NLRP2: variants seen among roughly 807,000 people sequenced by gnomAD.
NLRP2 encodes NACHT, LRR and PYD domains-containing protein 2.
Under a neutral mutation model 97.2 loss-of-function variants are expected in NLRP2, and 107 were observed. That is an observed-to-expected ratio of 1.10 (90% confidence interval 0.94 to 1.29). The LOEUF (loss-of-function observed/expected upper bound fraction) is 1.29, where lower values mean the gene tolerates loss of function less well. Ranked by LOEUF, NLRP2 falls within the 50% of genes most tolerant of loss-of-function variation. The pLI is 0.00. For synonymous variants in NLRP2, 663 were observed against 551.5 expected, an observed-to-expected ratio of 1.20 and a Z score of -2.83; for missense variants, 1,495 against 1,330.3, an observed-to-expected ratio of 1.12 and a Z score of -1.93.
chr19:54,980,647 A>C (rs1160058302), intron 4 of NLRP2, among the ~76,000 whole-genome samples: 1 of 152,194 alleles, frequency 6.6e-6, no homozygotes, highest in Non-Finnish European at 1.5e-5. Flanking sequence ...ATTTTATAGA[A>C]TAGGGCTTGG....
At chr19:54,997,706 C>T (rs1225925069) in intron 12 of NLRP2, among the ~76,000 whole-genome samples, 2 of 151,740 alleles carry the variant, frequency 1.3e-5, no homozygotes, top group East Asian at 1.9e-4. Flanking sequence ...CCGCCCGCCT[C>T]GGCCTCCCAA....
chr19:54,976,739 C>A (rs981381188), intron 3 of NLRP2: 2 of 423,810 alleles, frequency 4.7e-6, no homozygotes, highest in South Asian at 1.7e-5. Flanking sequence ...TTCAGGAGTT[C>A]CATGGACTCA....
chr19:54,981,513 CCCCT>C, intron 4 of NLRP2, 100 bp from the exon 5 acceptor site: 1 of 268,624 alleles, frequency 3.7e-6, no homozygotes, highest in Non-Finnish European at 8.2e-6. Context: ...TCCCGTGCCC[CCCCT>C]CCCCCCCGCC....
intron 1 of NLRP2, 136 bp from the exon 2 acceptor site, chr19:54,969,863 C>T: frequency 2.4e-6 from 2 of 846,638 alleles, no homozygotes; most frequent in Non-Finnish European, 3.9e-6. Context: ...CACTATGTTG[C>T]CCAGGCTGGG....
intron 11 of NLRP2, among the ~76,000 whole-genome samples, chr19:54,995,782 C>G (rs2072776598): frequency 6.6e-6 from 1 of 151,914 alleles, no homozygotes; most frequent in Non-Finnish European, 1.5e-5. Flanking sequence ...TGGCTCATGC[C>G]TGTAATCCTG....
intron 10 of NLRP2, among the ~76,000 whole-genome samples, chr19:54,992,848 C>CACGCCCAGCCTACAAAATATTCTCAG (rs1568530909): frequency 2.0e-5 from 3 of 151,930 alleles, no homozygotes; most frequent in African/African-American, 7.3e-5. Context: ...TGTGAGCCAC[C>CACGCCCAGCCTACAAAATATTCTCAG]GTGCCGGCCC....
In NLRP2 at chr19:54,997,757, C is replaced by CT. The variant is rs755734084; in HGVS notation, c.3050+284dup. Reference sequence around the variant, plus strand: ...GGCGTGAGCAACCGCACCCGGCCACCTTTTTTTTTTTTTTCCTTTGAGGCA... The same window carrying CT: ...GGCGTGAGCAACCGCACCCGGCCACCTTTTTTTTTTTTTTTCCTTTGAGGCA... On this transcript the variant is annotated intron_variant, in intron 12 of 12. Transcript: ENST00000448584. 3.8e-3 allele frequency among the ~76,000 whole-genome samples: 541 copies of CT among 143,506 alleles called. 1 individual carries two copies. Among genetic ancestry groups the CT allele is most frequent in the African/African-American group, 8.4e-3 (328 of 39,216 alleles). 94.1% of individuals were successfully genotyped at this position (143,506 alleles called of 152,430 possible). A position where few individuals can be genotyped will look rare whatever the true frequency, so the allele number is the denominator to read the frequency against.
intron 8 of NLRP2, among the ~76,000 whole-genome samples, chr19:54,987,492 TCA>T (rs2146481611): frequency 6.6e-6 from 1 of 152,182 alleles, no homozygotes; most frequent in South Asian, 2.1e-4. Context: ...GCGCAGTGGC[TCA>T]CGCCTGGGAG....
chr19:54,965,835 GA>G (rs1289601042), upstream of NLRP2, among the ~76,000 whole-genome samples: 1 of 87,878 alleles, frequency 1.1e-5, no homozygotes, highest in African/African-American at 4.5e-5. Flanking sequence ...GGAATCACTT[GA>G]AGCCGGCAGG....
At chr19:54,972,124 G>A (rs1218904242) in intron 2 of NLRP2, among the ~76,000 whole-genome samples, 1 of 150,894 alleles carries the variant, frequency 6.6e-6, no homozygotes, top group African/African-American at 2.4e-5. Context: ...TTACAGGCGT[G>A]AGCCACCGCA....
chr19:54,983,308 A>G lies in NLRP2; in HGVS notation c.1610A>G (p.Lys537Arg). ...ACCTGGGACATTGGGGACGTACAGAAGCTGCTTTCCGGAGTAGAAAGACTC... is the reference window on the plus strand; with the variant it reads ...ACCTGGGACATTGGGGACGTACAGAGGCTGCTTTCCGGAGTAGAAAGACTC... Reference protein sequence around the residue: ...GHTWDIGDVQKLLSGVERLRN... With the variant: ...GHTWDIGDVQRLLSGVERLRN... Residue 537 changes from lysine (K) to arginine (R), a missense_variant, in exon 6 of 13, where the codon AAG becomes AGG. Coordinates refer to ENST00000448584, the MANE Select transcript of NLRP2 (RefSeq NM_017852.5). The G allele has an allele frequency of 6.2e-7, 1 of 1,614,212 alleles. No individual in the cohort carries two copies. Among genetic ancestry groups the G allele is most frequent in the Non-Finnish European group, 8.5e-7 (1 of 1,180,012 alleles).
At chr19:54,984,446 T>G (rs1317502965) in intron 6 of NLRP2, among the ~76,000 whole-genome samples, 1 of 144,110 alleles carries the variant, frequency 6.9e-6, no homozygotes, top group Non-Finnish European at 1.5e-5. Context: ...CCTGCCTGAA[T>G]ATTTCTTATT....
chr19:54,970,148 A>G lies in NLRP2; in HGVS notation c.133A>G (p.Lys45Glu), dbSNP rs2070751851. Residue 45 changes from lysine (K) to glutamate (E), a missense_variant, in exon 2 of 13, where the codon AAG becomes GAG. Coordinates refer to ENST00000448584, the MANE Select transcript of NLRP2 (RefSeq NM_017852.5). Reference sequence around the variant, plus strand: ...ACACGAGCTCCAGAAGATCCCCCACAAGGAGGTAGACAAGGCTGATGGGAA... The same window carrying G: ...ACACGAGCTCCAGAAGATCCCCCACGAGGAGGTAGACAAGGCTGATGGGAA... ...LAHELQKIPH[K>E]EVDKADGKQL... The G allele has an allele frequency of 6.2e-7, 1 of 1,614,104 alleles. No homozygotes were observed. Among genetic ancestry groups the G allele is most frequent in the African/African-American group, 1.3e-5 (1 of 75,024 alleles).
chr19:54,974,414 C>G, intron 2 of NLRP2, 86 bp from the exon 3 acceptor site: 1 of 960,302 alleles, frequency 1.0e-6, no homozygotes, highest in Non-Finnish European at 1.7e-6. Flanking sequence ...TGATCCAGTT[C>G]TAAGTGTCAT....
intron 9 of NLRP2, 57 bp downstream of exon 9, chr19:54,990,249 G>A (rs1284738073): frequency 6.4e-7 from 1 of 1,561,634 alleles, no homozygotes; most frequent in East Asian, 2.2e-5. Flanking sequence ...CCACAGACGA[G>A]CAATGGTCAT....
At chr19:54,987,128 A>ACCCCCCCCCC (rs763390795) in intron 8 of NLRP2, among the ~76,000 whole-genome samples, 6 of 138,762 alleles carry the variant, frequency 4.3e-5, no homozygotes, top group Non-Finnish European at 4.7e-5. Flanking sequence ...CAGGTGATCT[A>ACCCCCCCCCC]CCCCCCCACC....
chr19:55,000,270 C>CTTTTTTTTTTTTTTTTTTTTTTT lies in NLRP2; in HGVS notation c.3051-473_3051-451dup, dbSNP rs1157138794. Among the ~76,000 whole-genome samples the CTTTTTTTTTTTTTTTTTTTTTTT allele has an allele frequency of 5.6e-5, 2 of 36,026 alleles. 1 individual carries two copies. The highest frequency in any genetic ancestry group is 9.7e-5 in the Non-Finnish European group (2 of 20,646). The allele number at this position is 36,026 out of a possible 152,430, so 23.6% of individuals were successfully genotyped here. ...CCAGCTTGGGCAACAGAGAGACTGT[C>CTTTTTTTTTTTTTTTTTTTTTTT]TTTTTTTTTTTTTTTTTTTTTTTTT... On this transcript the variant is annotated intron_variant, in intron 12 of 12. Transcript: ENST00000448584.
At chr19:54,972,367 G>C (rs539838422) in intron 2 of NLRP2, among the ~76,000 whole-genome samples, 72 of 151,990 alleles carry the variant, frequency 4.7e-4, no homozygotes, top group Non-Finnish European at 8.4e-4. Context: ...TATTTTAATA[G>C]AGATGGGGTT....
At chr19:54,996,335 AC>A (rs1272220581) in intron 11 of NLRP2, among the ~76,000 whole-genome samples, 1 of 151,840 alleles carries the variant, frequency 6.6e-6, no homozygotes, top group Non-Finnish European at 1.5e-5. Context: ...GACAGGTGAA[AC>A]CCTGTCTCTC....
Sources: allele counts gnomAD v4.1 joint callset (sites outside exome capture counted in the v4.1 genomes callset), GRCh38; gene constraint gnomAD v4.1.1; transcripts MANE v1.5; gene names NCBI Gene and HGNC (gene_info 2026-07-23, HGNC 2026-07-21).